RELB: variants seen among roughly 807,000 people sequenced by gnomAD.
RELB encodes the protein transcription factor RelB.
Under a neutral mutation model 55.4 loss-of-function variants are expected in RELB, and 14 were observed. That is an observed-to-expected ratio of 0.25 (90% CI 0.17 to 0.40). The LOEUF is 0.40. Among genes scored for constraint, RELB ranks in the 10% least tolerant of loss-of-function variants. The probability of loss-of-function intolerance (pLI) is 1.00; values close to 1 mark genes in which losing one functional copy is unlikely to be tolerated. For synonymous variants in RELB, 409 were observed against 371.3 expected, an observed-to-expected ratio of 1.10 and a Z score of -1.17; for missense variants, 669 against 830.7, an observed-to-expected ratio of 0.81 and a Z score of 2.39.
intron 9 of RELB, 28 bp downstream of exon 9, chr19:45,032,777 C>T (rs773728920): frequency 1.7e-5 from 26 of 1,573,208 alleles, no homozygotes; most frequent in East Asian, 1.2e-4. Flanking sequence ...GGGTGACCCA[C>T]CACCTCGGAG....
rs951518777 is a variant in RELB at position 45,038,070 on chromosome 19, G to C, written c.*280G>C. ...CATGTGGGGGCACCTTCTCCAGTAG[G>C]ATTCGGAAAAGATTGTACATATGGG... is the stretch of plus-strand genomic sequence containing the variant. On this transcript the variant is annotated 3_prime_UTR_variant, in exon 12 of 12. Transcript: ENST00000221452. 2.7e-5 allele frequency: 10 copies of C among 367,222 alleles called. No homozygotes were observed. The highest frequency in any genetic ancestry group is 3.9e-5 in the Non-Finnish European group (8 of 205,768). The allele number at this position is 367,222 out of a possible 1,614,324, so 22.7% of individuals were successfully genotyped here.
rs1213218534 is a variant in RELB at position 45,034,267 on chromosome 19, C to T, written c.1231C>T (p.Arg411Trp). 21 of 1,613,802 alleles carry T rather than the reference C, an allele frequency of 1.3e-5. No individual in the cohort carries two copies. The highest frequency in any genetic ancestry group is 2.2e-5 in the East Asian group (1 of 44,902). ...AGACAGCTACGGCGTGGACAAGAAG[C>T]GGAAACGGGGGATGCCCGACGTCCT... ...DHDSYGVDKK[R>W]KRGMPDVLGE... The change falls in exon 10 of 12, where the codon CGG becomes TGG. Residue 411 changes from arginine (R) to tryptophan (W), a missense_variant. Physicochemically the swap from Arg to Trp is moderately radical, Grantham distance 101 (BLOSUM62 -3). Transcript: ENST00000221452.
At chr19:45,010,885 C>T (rs1195131830) in intron 3 of RELB, among the ~76,000 whole-genome samples, 4 of 150,882 alleles carry the variant, frequency 2.7e-5, no homozygotes, top group East Asian at 3.9e-4. Flanking sequence ...GATGGAATTT[C>T]GCTCTTGTTG....
chr19:45,001,992 C>A (rs1315087445), intron 1 of RELB, among the ~76,000 whole-genome samples: 1 of 139,752 alleles, frequency 7.2e-6, no homozygotes, highest in Non-Finnish European at 1.5e-5. Flanking sequence ...TGGGCGGTAT[C>A]GGGGCGGGGC....
chr19:45,002,442 T>C (rs1669290682), intron 1 of RELB, among the ~76,000 whole-genome samples: 1 of 152,136 alleles, frequency 6.6e-6, no homozygotes, highest in South Asian at 2.1e-4. Context: ...AACCTCTGCC[T>C]CCCGGGCTCA....
Position 45,037,509 on chromosome 19 carries a change from G to T in RELB, c.1459G>T (p.Asp487Tyr), listed in dbSNP as rs144038804. ...EPPGGPDLLD[D>Y]GFAYDPTAPT... ...CCCTGGCGGGCCTGACCTCCTGGACGATGGCTTTGCCTACGACCCTACGGC... is the reference window on the plus strand; with the variant it reads ...CCCTGGCGGGCCTGACCTCCTGGACTATGGCTTTGCCTACGACCCTACGGC... Residue 487 changes from aspartate to tyrosine, a missense_variant, in exon 12 of 12, where the codon GAT becomes TAT. Physicochemically the swap from Asp to Tyr is radical, Grantham distance 160. Transcript: ENST00000221452. 1.6e-5 allele frequency: 26 copies of T among 1,613,088 alleles called. 1 individual carries two copies. In the South Asian group the frequency reaches 2.3e-4, roughly 14 times the overall value.
chr19:45,025,434 G>A lies in RELB; in HGVS notation c.754+14G>A. The stretch of plus-strand genomic sequence containing the variant: ...ACCCCTACAACGGTGAGCACCCCCT[G>A]CCTGACCTGACCATCCCGTCCTCCC... On this transcript the variant is annotated intron_variant, in intron 6 of 11. Transcript: ENST00000221452. The A allele has an allele frequency of 6.2e-7, 1 of 1,605,592 alleles. No individual in the cohort carries two copies. The highest frequency in any genetic ancestry group is 8.5e-7 in the Non-Finnish European group (1 of 1,175,088).
At chr19:45,008,438 C>T (rs946881613) in intron 2 of RELB, 2 of 456,100 alleles carry the variant, frequency 4.4e-6, no homozygotes, top group African/African-American at 2.0e-5. Flanking sequence ...CAAAGTCTAA[C>T]TCTGTCTTTG....
intron 5 of RELB, among the ~76,000 whole-genome samples, chr19:45,022,947 C>T (rs757878212): frequency 6.6e-6 from 1 of 152,104 alleles, no homozygotes; most frequent in Non-Finnish European, 1.5e-5. Context: ...AAACTTTGAG[C>T]ATTTTTTCAT....
intron 4 of RELB, chr19:45,021,820 C>A: frequency 2.4e-6 from 1 of 423,756 alleles, no homozygotes; most frequent in Admixed American, 4.1e-5. Context: ...GGTGATCCGC[C>A]CACCTCGGCC....
intron 11 of RELB, among the ~76,000 whole-genome samples, 175 bp downstream of exon 11, chr19:45,034,703 C>G (rs147028669): frequency 6.6e-6 from 1 of 152,132 alleles, no homozygotes; most frequent in African/African-American, 2.4e-5. Context: ...AATGGAAGTT[C>G]TGATCTCTTC....
chr19:45,013,633 G>A (rs2122419505), intron 4 of RELB, among the ~76,000 whole-genome samples: 1 of 152,000 alleles, frequency 6.6e-6, no homozygotes, highest in East Asian at 2.0e-4. Context: ...GGGAGTTCGA[G>A]ACCACCCTGA....
At chr19:45,004,797 G>A (rs1347753777) in intron 2 of RELB, among the ~76,000 whole-genome samples, 1 of 151,792 alleles carries the variant, frequency 6.6e-6, no homozygotes, top group South Asian at 2.1e-4. Flanking sequence ...AACCTGGGAG[G>A]TGGAGGTTGC....
In RELB at chr19:45,033,610, G is replaced by A. The variant is rs146479317; in HGVS notation, c.1208-634G>A. ...TGAGGCAGGAGAATTGCTTGAACCC[G>A]GGAGGCAGAGGTTGCAGTGAGCCAA... On this transcript the variant is annotated intron_variant, in intron 9 of 11. Coordinates refer to ENST00000221452, the MANE Select transcript of RELB (RefSeq NM_006509.4). 6.4e-3 allele frequency among the ~76,000 whole-genome samples: 979 copies of A among 151,956 alleles called. 11 individuals carry two copies. The highest frequency in any genetic ancestry group is 0.022 in the African/African-American group (911 of 41,502).
intron 2 of RELB, among the ~76,000 whole-genome samples, chr19:45,007,083 A>C (rs1347507031): frequency 6.6e-6 from 1 of 152,118 alleles, no homozygotes; most frequent in East Asian, 1.9e-4. Flanking sequence ...ACGTTTGACC[A>C]AGGAACTGAA....
At position 45,032,519 on chromosome 19, in the gene RELB, C is replaced by G; in HGVS notation, c.992-15C>G. On this transcript the variant is annotated splice_polypyrimidine_tract_variant and intron_variant, in intron 8 of 11. Coordinates refer to ENST00000221452, the MANE Select transcript of RELB (RefSeq NM_006509.4). ...AGATGTCCTGGCTTAGCTGATGTCC[C>G]CCGTTTCCTGCCAGAGGACATATCA... The G allele has an allele frequency of 6.2e-7, 1 of 1,600,986 alleles. No individual in the cohort carries two copies. Among genetic ancestry groups the G allele is most frequent in the Non-Finnish European group, 8.5e-7 (1 of 1,171,972 alleles).
intron 3 of RELB, 71 bp from the exon 4 acceptor site, chr19:45,011,865 A>G: frequency 1.1e-6 from 1 of 943,348 alleles, no homozygotes; most frequent in Admixed American, 4.3e-5. Flanking sequence ...CTCGGGGGTA[A>G]TCAAGCCTTT....
In RELB at chr19:45,001,668, C is replaced by G. The variant is rs768414685; in HGVS notation, c.89C>G (p.Pro30Arg). The part of the protein sequence containing the change: ...SRRVARPPAA[P>R]ELGALGSPDL... ...CGCGTCGCCAGACCGCCGGCTGCGC[C>G]GGAGCTGGGGGCCTTAGGTAAGCGG... is the stretch of plus-strand genomic sequence containing the variant. Residue 30 changes from proline to arginine, a missense_variant, in exon 1 of 12, where the codon CCG becomes CGG. Coordinates refer to ENST00000221452, the MANE Select transcript of RELB (RefSeq NM_006509.4). 70 of 1,521,528 alleles carry G rather than the reference C, an allele frequency of 4.6e-5. No individual in the cohort carries two copies. The highest frequency in any genetic ancestry group is 8.0e-5 in the Admixed American group (4 of 49,890). 94.3% of individuals were successfully genotyped at this position (1,521,528 alleles called of 1,614,324 possible).
In RELB at chr19:45,003,915, G is replaced by GTTTTTT. The variant is rs1039624578; in HGVS notation, c.154+940_154+945dup. On this transcript the variant is annotated intron_variant, in intron 2 of 11. Coordinates refer to ENST00000221452, the MANE Select transcript of RELB (RefSeq NM_006509.4). The stretch of plus-strand genomic sequence containing the variant: ...TGGGTTTTTTTTGTCTGTTTTTTGT[G>GTTTTTT]TTTTTTTTTTTTTTTTTTTTTTTTT... Among the ~76,000 whole-genome samples, 15 of 63,574 alleles carry GTTTTTT rather than the reference G, an allele frequency of 2.4e-4. 2 individuals carry two copies. The highest frequency in any genetic ancestry group is 5.3e-4 in the Admixed American group (2 of 3,790). 41.7% of individuals were successfully genotyped at this position (63,574 alleles called of 152,430 possible). A position where few individuals can be genotyped will look rare whatever the true frequency, so the allele number is the denominator to read the frequency against.
Sources: gnomAD v4.1 joint callset for allele counts (sites outside exome capture counted in the v4.1 genomes callset) on GRCh38, gnomAD v4.1.1 for gene constraint, MANE v1.5 for transcripts, NCBI Gene and HGNC (gene_info 2026-07-23, HGNC 2026-07-21) for gene names.